The following DENND6A variants were observed in gnomAD, a reference collection of about 807,000 sequenced individuals.
DENND6A encodes DENN domain containing 6A.
Under a neutral mutation model 95.5 loss-of-function variants are expected in DENND6A, and 43 were observed. The observed-to-expected ratio is 0.45, with a 90% CI of 0.35 to 0.58. DENND6A has a LOEUF of 0.58. Ranked by LOEUF, DENND6A falls within the 20% of genes least tolerant of loss-of-function variation. DENND6A has a pLI of 0.00. For synonymous variants in DENND6A, 257 were observed against 260.4 expected, an observed-to-expected ratio of 0.99 and a Z score of 0.13; for missense variants, 574 against 736.0, an observed-to-expected ratio of 0.78 and a Z score of 2.55.
chr3:57,679,934 AG>A (rs745733712), intron 1 of DENND6A, among the ~76,000 whole-genome samples: 28 of 152,210 alleles, frequency 1.8e-4, no homozygotes, highest in Non-Finnish European at 1.9e-4. Flanking sequence ...GAGATGGTAC[AG>A]GGTGCTGAGC....
intron 3 of DENND6A, among the ~76,000 whole-genome samples, chr3:57,669,373 C>T (rs1030058904): frequency 2.6e-5 from 4 of 152,072 alleles, no homozygotes; most frequent in African/African-American, 7.2e-5. Flanking sequence ...ACAAGAACCA[C>T]ACTTCATTTG....
intron 15 of DENND6A, 140 bp from the exon 16 acceptor site, chr3:57,631,118 G>T: frequency 1.5e-6 from 1 of 662,342 alleles, no homozygotes; most frequent in Non-Finnish European, 2.6e-6. Flanking sequence ...CCCCACAAGA[G>T]ATATAGCTAA....
chr3:57,634,521 A>G, intron 14 of DENND6A, 37 bp downstream of exon 14: 1 of 1,189,834 alleles, frequency 8.4e-7, no homozygotes, highest in Non-Finnish European at 1.1e-6. Flanking sequence ...ATACCTGAAC[A>G]AGGAAATTTA....
At chr3:57,684,339 T>C (rs2077192934) in intron 1 of DENND6A, among the ~76,000 whole-genome samples, 2 of 152,046 alleles carry the variant, frequency 1.3e-5, no homozygotes, top group South Asian at 4.1e-4. Context: ...GGCACGTGCC[T>C]GTAATCCCAG....
chr3:57,633,718 G>A (rs774372922), intron 14 of DENND6A, among the ~76,000 whole-genome samples: 4 of 151,976 alleles, frequency 2.6e-5, no homozygotes, highest in Admixed American at 1.3e-4. Context: ...GTGAAACCCC[G>A]TCTCTACTAA....
At chr3:57,660,664 T>A in intron 7 of DENND6A, 96 bp downstream of exon 7, 1 of 1,075,998 alleles carries the variant, frequency 9.3e-7, no homozygotes. Context: ...GCTGTGATCA[T>A]GCCACTGTAC....
chr3:57,634,666 A>G (rs772030598), intron 13 of DENND6A, 38 bp downstream of exon 13: 22 of 1,494,864 alleles, frequency 1.5e-5, no homozygotes, highest in Non-Finnish European at 1.8e-5. Context: ...CCCAAGTACC[A>G]TATAAATATA....
At chr3:57,637,547 G>GCCAGA (rs1400415990) in intron 12 of DENND6A, among the ~76,000 whole-genome samples, 2 of 150,148 alleles carry the variant, frequency 1.3e-5, no homozygotes, top group African/African-American at 2.5e-5. Context: ...TTTTTTCCTT[G>GCCAGA]TAGAACTCAC....
At chr3:57,632,303 C>A (rs921591990) in intron 15 of DENND6A, among the ~76,000 whole-genome samples, 1 of 151,628 alleles carries the variant, frequency 6.6e-6, no homozygotes, top group African/African-American at 2.4e-5. Flanking sequence ...GGATTACAGA[C>A]GTGAGCCACC....
intron 9 of DENND6A, among the ~76,000 whole-genome samples, chr3:57,647,804 T>C (rs888652834): frequency 1.5e-5 from 2 of 137,830 alleles, no homozygotes; most frequent in African/African-American, 5.6e-5. Flanking sequence ...CCTGGAGATG[T>C]GGTCTAGTGG....
rs767297879 is a variant in DENND6A at position 57,626,986 on chromosome 3, CAAA to C, written c.*1225_*1227del. 6.6e-6 allele frequency: 1 copy of C among 152,008 alleles called. No individual in the cohort carries two copies. Among genetic ancestry groups the C allele is most frequent in the Non-Finnish European group, 1.5e-5 (1 of 68,006 alleles). 9.4% of individuals were successfully genotyped at this position (152,008 alleles called of 1,614,324 possible). On this transcript the variant is annotated 3_prime_UTR_variant, in exon 20 of 20. Transcript: ENST00000311128. ...GCCAGAAATCAATCTTATCATCACT[CAAA>C]TAAGTATCACATAAAAAACTCATGA... is the stretch of plus-strand genomic sequence containing the variant.
At chr3:57,628,493 C>T in intron 19 of DENND6A, 148 bp from the exon 20 acceptor site, 1 of 1,168,594 alleles carries the variant, frequency 8.6e-7, no homozygotes, top group Non-Finnish European at 1.2e-6. Context: ...AAGCAAGGAG[C>T]ATTCTATTTA....
In DENND6A at chr3:57,628,146, C is replaced by A; in HGVS notation, c.*68G>T. On this transcript the variant is annotated 3_prime_UTR_variant, in exon 20 of 20. Transcript: ENST00000311128. Reference sequence around the variant, plus strand: ...CTGCCACTGAGAGATCTCCTTTGTGCGTCTGGTTGAAATGTCAGTATGCTT... The same window carrying A: ...CTGCCACTGAGAGATCTCCTTTGTGAGTCTGGTTGAAATGTCAGTATGCTT... 1 of 1,556,094 alleles carries A rather than the reference C, an allele frequency of 6.4e-7. No individual in the cohort carries two copies. The highest frequency in any genetic ancestry group is 8.7e-7 in the Non-Finnish European group (1 of 1,150,232).
In DENND6A at chr3:57,628,335, T is replaced by G. The variant is rs1237982210; in HGVS notation, c.1706A>C (p.Asp569Ala). 1.2e-6 allele frequency: 2 copies of G among 1,614,020 alleles called. No individual in the cohort carries two copies. Among genetic ancestry groups the G allele is most frequent in the South Asian group, 1.1e-5 (1 of 91,060 alleles). Residue 569 changes from aspartate to alanine, a missense_variant, in exon 20 of 20, where the codon GAT (aspartate) becomes GCT (alanine). Asp to Ala is a moderately radical substitution (Grantham distance 126). This residue lies in a region of DENND6A where 452 missense variants were observed against 630.9 expected (regional missense o/e 0.72). Transcript: ENST00000311128. ...AGGTTTCACAGGTAAGTGCTCTCGA[T>G]CAGCCTGCAACTACATAAGGAACAT... ...LKLKNKLLQA[D>A]REHLPVKPDT...
chr3:57,690,272 G>A (rs1358241259), intron 1 of DENND6A, among the ~76,000 whole-genome samples: 2 of 152,200 alleles, frequency 1.3e-5, no homozygotes, highest in South Asian at 2.1e-4. Flanking sequence ...TTGGGAGGCT[G>A]AGGTGGGCAG....
chr3:57,682,144 G>A (rs2077171616), intron 1 of DENND6A, among the ~76,000 whole-genome samples: 1 of 151,870 alleles, frequency 6.6e-6, no homozygotes. Flanking sequence ...AATTATGTAT[G>A]TACTTTTTCT....
At chr3:57,684,952 G>A (rs556150841) in intron 1 of DENND6A, among the ~76,000 whole-genome samples, 2 of 152,196 alleles carry the variant, frequency 1.3e-5, no homozygotes, top group African/African-American at 2.4e-5. Context: ...AGGCATGGTG[G>A]CACACACCTG....
At chr3:57,684,890 G>A (rs2077198598) in intron 1 of DENND6A, among the ~76,000 whole-genome samples, 1 of 152,100 alleles carries the variant, frequency 6.6e-6, no homozygotes, top group Admixed American at 6.5e-5. Flanking sequence ...GTTCCCTTGA[G>A]TCCAGGAGTT....
chr3:57,655,533 T>C (rs1486257415), intron 9 of DENND6A, among the ~76,000 whole-genome samples: 3 of 152,210 alleles, frequency 2.0e-5, no homozygotes, highest in Non-Finnish European at 4.4e-5. Flanking sequence ...ATTGACATGA[T>C]GCCACAAGTG....
Sources: gnomAD v4.1 joint callset for allele counts (sites outside exome capture counted in the v4.1 genomes callset) on GRCh38, gnomAD v4.1.1 for gene constraint, gnomAD v4.1.1 regional missense constraint, MANE v1.5 for transcripts, NCBI Gene and HGNC (gene_info 2026-07-23, HGNC 2026-07-21) for gene names.